SPATA16: variants seen among roughly 807,000 people sequenced by gnomAD.
SPATA16 encodes the protein spermatogenesis associated 16.
SPATA16 carries 36 observed loss-of-function variants against 63.3 expected under a neutral mutation model. The observed-to-expected ratio is 0.57, with a 90% CI of 0.44 to 0.75. The LOEUF is 0.75. Among genes scored for constraint, SPATA16 ranks in the 30% least tolerant of loss-of-function variants. The pLI, the probability that SPATA16 is intolerant of heterozygous loss-of-function variation, is 0.00. For synonymous variants in SPATA16, 203 were observed against 216.7 expected, an observed-to-expected ratio of 0.94 and a Z score of 0.56; for missense variants, 646 against 679.3, an observed-to-expected ratio of 0.95 and a Z score of 0.54.
intron 4 of SPATA16, among the ~76,000 whole-genome samples, chr3:173,012,562 A>G (rs184662770): frequency 6.2e-4 from 95 of 152,360 alleles, no homozygotes; most frequent in Middle Eastern, 3.4e-3. Flanking sequence ...ACAGCATAGT[A>G]CTGGTACAAA....
At chr3:173,063,505 G>T (rs1736439695) in intron 2 of SPATA16, among the ~76,000 whole-genome samples, 2 of 152,192 alleles carry the variant, frequency 1.3e-5, no homozygotes, top group Admixed American at 1.3e-4. Context: ...GTTAGTAGCA[G>T]TGAGCAGCCT....
chr3:172,964,711 G>T (rs564743377), intron 5 of SPATA16, among the ~76,000 whole-genome samples: 1 of 152,106 alleles, frequency 6.6e-6, no homozygotes, highest in Non-Finnish European at 1.5e-5. Context: ...TTTCTTGACC[G>T]TGGTTTTAAA....
chr3:172,923,613 G>C (rs1260154125), intron 8 of SPATA16, among the ~76,000 whole-genome samples: 1 of 152,108 alleles, frequency 6.6e-6, no homozygotes, highest in Non-Finnish European at 1.5e-5. Flanking sequence ...TCAGTACAAT[G>C]GCTTAAATTT....
intron 2 of SPATA16, among the ~76,000 whole-genome samples, chr3:173,049,922 C>G (rs1464516442): frequency 2.0e-5 from 3 of 151,970 alleles, no homozygotes; most frequent in East Asian, 3.9e-4. Context: ...AAAAGAAGTC[C>G]TATCTATGTT....
chr3:173,071,547 G>A (rs1266690001), intron 2 of SPATA16, among the ~76,000 whole-genome samples: 3 of 152,126 alleles, frequency 2.0e-5, no homozygotes, highest in Non-Finnish European at 4.4e-5. Flanking sequence ...GAAAATATTT[G>A]CAGACTACCC....
Position 172,930,553 on chromosome 3 carries a change from C to CTTT in SPATA16, c.1082-5064_1082-5062dup, listed in dbSNP as rs34780432. Reference sequence around the variant, plus strand: ...TATCTTCCAATCTTCCATTCAAACTCTTTTTTTTTTTTTTTTTTTTTTTGA... The same window carrying CTTT: ...TATCTTCCAATCTTCCATTCAAACTCTTTTTTTTTTTTTTTTTTTTTTTTTTGA... On this transcript the variant is annotated intron_variant, in intron 6 of 10. Coordinates refer to ENST00000351008, the MANE Select transcript of SPATA16 (RefSeq NM_031955.6). Among the ~76,000 whole-genome samples, 569 of 87,408 alleles carry CTTT rather than the reference C, an allele frequency of 6.5e-3. 7 individuals carry two copies. Among genetic ancestry groups the CTTT allele is most frequent in the African/African-American group, 0.019 (421 of 22,450 alleles). The allele number at this position is 87,408 out of a possible 152,430, so 57.3% of individuals were successfully genotyped here.
chr3:173,058,298 T>C (rs1425101534), intron 2 of SPATA16, among the ~76,000 whole-genome samples: 1 of 152,138 alleles, frequency 6.6e-6, no homozygotes, highest in African/African-American at 2.4e-5. Flanking sequence ...ATTTTTCTAG[T>C]GACATTGAAA....
At chr3:172,964,778 C>A (rs567743182) in intron 5 of SPATA16, among the ~76,000 whole-genome samples, 1 of 152,246 alleles carries the variant, frequency 6.6e-6, no homozygotes, top group South Asian at 2.1e-4. Flanking sequence ...GGGACAAAGA[C>A]CTGGTGACTT....
At chr3:172,956,284 A>C (rs1733592465) in intron 6 of SPATA16, among the ~76,000 whole-genome samples, 2 of 152,152 alleles carry the variant, frequency 1.3e-5, no homozygotes, top group Non-Finnish European at 2.9e-5. Flanking sequence ...GATGTGAGAT[A>C]GATGGGGGGA....
chr3:172,909,973 T>C (rs1732330544), intron 10 of SPATA16, among the ~76,000 whole-genome samples: 1 of 152,204 alleles, frequency 6.6e-6, no homozygotes, highest in Admixed American at 6.5e-5. Context: ...AGCTGGTCCC[T>C]AGAAGTTAAT....
rs149140561 is a variant in SPATA16 at position 172,956,677 on chromosome 3, C to T, written c.1081G>A (p.Asp361Asn). 9.9e-6 allele frequency: 16 copies of T among 1,610,382 alleles called. No individual in the cohort carries two copies. The African/African-American group carries it at 2.1e-4, about 22-fold the overall frequency. The change falls in exon 6 of 11, where the codon GAT (aspartate) becomes AAT (asparagine). Residue 361 changes from aspartate (D) to asparagine (N), a missense_variant and splice_region_variant. Physicochemically the swap from Asp to Asn is conservative, Grantham distance 23 (BLOSUM62 1). Transcript: ENST00000351008. The part of the protein sequence containing the change: ...HPAYAEYMYT[D>N]LQALHMLPQT... ...ATAACTTGAAGATATTGAATCTTACCTGTGTACATATACTCTGCATATGCA... is the reference window on the plus strand; with the variant it reads ...ATAACTTGAAGATATTGAATCTTACTTGTGTACATATACTCTGCATATGCA...
intron 4 of SPATA16, among the ~76,000 whole-genome samples, chr3:173,003,796 A>G (rs563529002): frequency 6.6e-6 from 1 of 152,346 alleles, no homozygotes; most frequent in African/African-American, 2.4e-5. Flanking sequence ...TAGCAGCAGC[A>G]ATGACTAATT....
At chr3:173,065,259 A>G (rs1736488308) in intron 2 of SPATA16, among the ~76,000 whole-genome samples, 1 of 140,756 alleles carries the variant, frequency 7.1e-6, no homozygotes, top group South Asian at 2.1e-4. Flanking sequence ...TTCAAGAAAC[A>G]CTTTTTTTTT....
intron 1 of SPATA16, among the ~76,000 whole-genome samples, chr3:173,127,428 TGTCTCAATAATGTCCTCTTA>T (rs1738253387): frequency 6.6e-6 from 1 of 152,216 alleles, no homozygotes; most frequent in Non-Finnish European, 1.5e-5. Flanking sequence ...TTTTGTCAGT[TGTCTCAATAATGTCCTCTTA>T]GGATTTCTTT....
At chr3:172,925,657 T>C (rs1732713294) in intron 6 of SPATA16, among the ~76,000 whole-genome samples, 165 bp from the exon 7 acceptor site, 2 of 152,280 alleles carry the variant, frequency 1.3e-5, no homozygotes, top group Middle Eastern at 3.4e-3. Context: ...AGATAACATA[T>C]CAAAATCATA....
chr3:172,958,517 C>T (rs2108235951), intron 5 of SPATA16, among the ~76,000 whole-genome samples: 1 of 152,294 alleles, frequency 6.6e-6, no homozygotes, highest in African/African-American at 2.4e-5. Context: ...AGGAAAGCTG[C>T]TTTAGACCTC....
intron 6 of SPATA16, among the ~76,000 whole-genome samples, chr3:172,947,835 T>C (rs13319934): frequency 0.088 from 13,223 of 150,994 alleles, 1,915 homozygotes; most frequent in African/African-American, 0.3. Context: ...ATATGTGGGG[T>C]TTAAAACCTA....
chr3:173,035,326 G>A (rs1279455689), intron 3 of SPATA16, among the ~76,000 whole-genome samples: 1 of 152,026 alleles, frequency 6.6e-6, no homozygotes, highest in African/African-American at 2.4e-5. Context: ...ACTTAAAAAG[G>A]GCTAATCTGG....
Position 173,069,112 on chromosome 3 carries a change from G to GAAA in SPATA16, c.613-20021_613-20019dup, listed in dbSNP as rs541801266. ...GCAGCAGTACGAGACTCCGTCTCAA[G>GAAA]AAAAAAAAAAAAAAGAAAGAAAGAA... On this transcript the variant is annotated intron_variant, in intron 2 of 10. Transcript: ENST00000351008. Among the ~76,000 whole-genome samples, 418 of 109,154 alleles carry GAAA rather than the reference G, an allele frequency of 3.8e-3. 20 individuals carry two copies. The highest frequency in any genetic ancestry group is 0.015 in the African/African-American group (397 of 27,378). 71.6% of individuals were successfully genotyped at this position (109,154 alleles called of 152,430 possible).
Sources: allele counts gnomAD v4.1 joint callset (sites outside exome capture counted in the v4.1 genomes callset), GRCh38; gene constraint gnomAD v4.1.1; transcripts MANE v1.5; gene names NCBI Gene and HGNC (gene_info 2026-07-23, HGNC 2026-07-21).